Variants in QKI observed in about 807,000 individuals in gnomAD.
QKI encodes KH domain-containing RNA-binding protein QKI.
QKI carries 10 observed loss-of-function variants against 39.0 expected under a neutral mutation model. The ratio of observed to expected loss-of-function variants is 0.26; its 90% CI spans 0.16 to 0.43. The LOEUF (loss-of-function observed/expected upper bound fraction) is 0.43. Among genes scored for constraint, QKI ranks in the 20% least tolerant of loss-of-function variants. The probability of loss-of-function intolerance (pLI) is 1.00; values close to 1 mark genes in which losing one functional copy is unlikely to be tolerated. For synonymous variants in QKI, 204 were observed against 155.4 expected, an observed-to-expected ratio of 1.31 and a Z score of -2.33; for missense variants, 218 against 428.0, an observed-to-expected ratio of 0.51 and a Z score of 4.33.
intron 1 of QKI, among the ~76,000 whole-genome samples, chr6:163,417,859 T>G (rs1236965742): frequency 6.6e-6 from 1 of 152,210 alleles, no homozygotes; most frequent in Non-Finnish European, 1.5e-5. Flanking sequence ...ATCAGACCAG[T>G]ACAAACATGC....
At chr6:163,481,237 G>A in intron 3 of QKI, among the ~76,000 whole-genome samples, 1 of 151,542 alleles carries the variant, frequency 6.6e-6, no homozygotes, top group East Asian at 1.9e-4. Context: ...ATAGACATGT[G>A]TGTATATATA....
intron 4 of QKI, among the ~76,000 whole-genome samples, chr6:163,560,497 G>T (rs1002843695): frequency 6.6e-6 from 1 of 152,148 alleles, no homozygotes; most frequent in Non-Finnish European, 1.5e-5. Flanking sequence ...TTGTGGGGAT[G>T]GGGATAGGTA....
At chr6:163,432,584 A>C (rs1788927329) in intron 1 of QKI, among the ~76,000 whole-genome samples, 2 of 152,054 alleles carry the variant, frequency 1.3e-5, no homozygotes, top group African/African-American at 4.8e-5. Context: ...TTTTTTGGTA[A>C]GAGACAGGGT....
intron 2 of QKI, among the ~76,000 whole-genome samples, chr6:163,469,558 C>T (rs1050971647): frequency 6.6e-6 from 1 of 152,108 alleles, no homozygotes. Context: ...AGCAGAGTTT[C>T]GTTATTCTCA....
rs75078708 is a variant in QKI at position 163,499,785 on chromosome 6, A to G, written c.402+20889A>G. The stretch of plus-strand genomic sequence containing the variant: ...GTTTAGTAAGTATTTTTTATTTCCT[A>G]CTCTGGACTAGACACAAAACTGGGA... On this transcript the variant is annotated intron_variant, in intron 3 of 7. Transcript: ENST00000361752. Among the ~76,000 whole-genome samples, 1,024 of 152,054 alleles carry G rather than the reference A, an allele frequency of 6.7e-3. 8 individuals are homozygous for G. The highest frequency in any genetic ancestry group is 0.023 in the African/African-American group (944 of 41,454).
At chr6:163,445,242 C>T (rs143699173) in intron 1 of QKI, among the ~76,000 whole-genome samples, 126 of 152,226 alleles carry the variant, frequency 8.3e-4, no homozygotes, top group African/African-American at 2.9e-3. Context: ...TGATACAGTG[C>T]TATCACTAAT....
chr6:163,423,831 CAA>C (rs750409605), intron 1 of QKI, among the ~76,000 whole-genome samples: 71 of 152,134 alleles, frequency 4.7e-4, no homozygotes, highest in Admixed American at 8.5e-4. Context: ...TTTTACTACT[CAA>C]GAGGAAACAT....
intron 3 of QKI, among the ~76,000 whole-genome samples, chr6:163,503,890 C>A (rs1285443490): frequency 6.6e-6 from 1 of 151,928 alleles, no homozygotes; most frequent in Non-Finnish European, 1.5e-5. Flanking sequence ...CAGGCGCCCA[C>A]CACCACACCG....
chr6:163,474,125 A>G (rs911244077), intron 2 of QKI, among the ~76,000 whole-genome samples: 2 of 152,192 alleles, frequency 1.3e-5, no homozygotes, highest in Non-Finnish European at 2.9e-5. Context: ...ATAAATTTAG[A>G]TATCCACTTG....
At chr6:163,453,713 A>C (rs1790738658) in intron 1 of QKI, among the ~76,000 whole-genome samples, 1 of 152,174 alleles carries the variant, frequency 6.6e-6, no homozygotes, top group African/African-American at 2.4e-5. Flanking sequence ...TCATGTAGTC[A>C]AATCCAAGGT....
At chr6:163,435,811 CAG>C (rs1481884736) in intron 1 of QKI, among the ~76,000 whole-genome samples, 2 of 152,110 alleles carry the variant, frequency 1.3e-5, no homozygotes, top group African/African-American at 4.8e-5. Flanking sequence ...ACACTACTGA[CAG>C]AATGTTTGTC....
chr6:163,570,366 T>G, intron 7 of QKI: 1 of 983,874 alleles, frequency 1.0e-6, no homozygotes, highest in Non-Finnish European at 1.2e-6. Context: ...TTCATTGTTG[T>G]TTTTCAATTT....
At chr6:163,463,438 C>T (rs1384624678) in intron 2 of QKI, among the ~76,000 whole-genome samples, 1 of 152,182 alleles carries the variant, frequency 6.6e-6, no homozygotes, top group African/African-American at 2.4e-5. Flanking sequence ...AAACATACTG[C>T]AGCATACTCA....
At chr6:163,436,249 A>G (rs564816673) in intron 1 of QKI, among the ~76,000 whole-genome samples, 6 of 152,340 alleles carry the variant, frequency 3.9e-5, no homozygotes, top group African/African-American at 1.4e-4. Context: ...GTTTAAAGGT[A>G]AAGAAGTGTT....
At chr6:163,494,217 T>C (rs1778253852) in intron 3 of QKI, among the ~76,000 whole-genome samples, 1 of 152,240 alleles carries the variant, frequency 6.6e-6, no homozygotes, top group Non-Finnish European at 1.5e-5. Flanking sequence ...ACGTAGTCTT[T>C]GCGTTGTATT....
chr6:163,436,207 C>A (rs908356963), intron 1 of QKI, among the ~76,000 whole-genome samples: 3 of 152,120 alleles, frequency 2.0e-5, no homozygotes, highest in Non-Finnish European at 4.4e-5. Flanking sequence ...ATAAAAATAA[C>A]ATTTCTCATT....
chr6:163,456,968 G>GC (rs1790967370), intron 2 of QKI, among the ~76,000 whole-genome samples: 1 of 152,056 alleles, frequency 6.6e-6, no homozygotes, highest in Admixed American at 6.6e-5. Context: ...TTCTGACTGG[G>GC]GAAGTGAGGT....
chr6:163,460,706 G>A (rs1044778726), intron 2 of QKI, among the ~76,000 whole-genome samples: 11 of 152,110 alleles, frequency 7.2e-5, no homozygotes, highest in East Asian at 3.9e-4. Context: ...TGACCATTGC[G>A]GCCTTCTTAT....
chr6:163,427,067 C>T (rs1292614452), intron 1 of QKI, among the ~76,000 whole-genome samples: 1 of 152,104 alleles, frequency 6.6e-6, no homozygotes, highest in Non-Finnish European at 1.5e-5. Context: ...TTGGCCATTT[C>T]TCCAATAGGA....
Sources: allele counts gnomAD v4.1 joint callset (sites outside exome capture counted in the v4.1 genomes callset), GRCh38; gene constraint gnomAD v4.1.1; transcripts MANE v1.5; gene names NCBI Gene and HGNC (gene_info 2026-07-23, HGNC 2026-07-21).